Variants in GNB5 observed in about 807,000 individuals in gnomAD.
GNB5 encodes the protein G protein subunit beta 5, also known as guanine nucleotide-binding protein subunit beta-5.
A neutral mutation model predicts 55.3 loss-of-function variants in GNB5; 37 were observed. The observed-to-expected ratio is 0.67, with a 90% CI of 0.51 to 0.88. The LOEUF (loss-of-function observed/expected upper bound fraction) is 0.88, where lower values mean the gene tolerates loss of function less well. Ranked by LOEUF, GNB5 falls within the 40% of genes least tolerant of loss-of-function variation. GNB5 has a pLI of 0.00. For synonymous variants in GNB5, 219 were observed against 198.5 expected (o/e 1.10, Z -0.87); for missense variants, 476 against 515.3 (o/e 0.92, Z 0.74).
Position 52,135,610 on chromosome 15 carries a change from T to G in GNB5, c.771+3A>C. 6.2e-7 allele frequency: 1 copy of G among 1,613,322 alleles called. No individual in the cohort carries two copies. Among genetic ancestry groups the G allele is most frequent in the Non-Finnish European group, 8.5e-7 (1 of 1,179,482 alleles). The stretch of plus-strand genomic sequence containing the variant: ...CCCTAGGGAATTTCCACTGGGTCTT[T>G]ACCCCAGACACGAAGGTGTTTCCAG... On this transcript the variant is annotated splice_donor_region_variant and intron_variant, in intron 8 of 12. Transcript: ENST00000261837.
chr15:52,189,436 C>T (rs1220034044), intron 1 of GNB5, among the ~76,000 whole-genome samples: 1 of 151,894 alleles, frequency 6.6e-6, no homozygotes, highest in African/African-American at 2.4e-5. Flanking sequence ...AAAAATTAGC[C>T]AGGCGTGGTG....
In GNB5 at chr15:52,116,159, A is replaced by G. The variant is rs2033139053; in HGVS notation, c.*6598T>C. ...AATTTCTGTGTGGACATATGTTTTA[A>G]TTTCCCTTGGGGAGGCTGCCAATTA... On this transcript the variant is annotated 3_prime_UTR_variant, in exon 13 of 13. Transcript: ENST00000261837. 1 of 152,184 alleles carries G rather than the reference A, an allele frequency of 6.6e-6. No homozygotes were observed. Among genetic ancestry groups the G allele is most frequent in the South Asian group, 2.1e-4 (1 of 4,828 alleles). 9.4% of individuals were successfully genotyped at this position (152,184 alleles called of 1,614,324 possible).
chr15:52,163,257 C>T (rs2034374345), intron 3 of GNB5, among the ~76,000 whole-genome samples: 1 of 152,222 alleles, frequency 6.6e-6, no homozygotes, highest in African/African-American at 2.4e-5. Context: ...CTCTCAGTGG[C>T]AGCGTGGCCA....
chr15:52,177,991 T>C (rs1456298002), intron 3 of GNB5, among the ~76,000 whole-genome samples: 1 of 152,226 alleles, frequency 6.6e-6, no homozygotes, highest in Non-Finnish European at 1.5e-5. Flanking sequence ...ATTTGCCCCC[T>C]GAGGTTCCCT....
intron 8 of GNB5, among the ~76,000 whole-genome samples, chr15:52,134,594 C>T (rs150197476): frequency 0.011 from 1,684 of 152,292 alleles, 24 homozygotes; most frequent in African/African-American, 0.039. Flanking sequence ...GATACCAAGG[C>T]ACAGGGTTGA....
chr15:52,171,176 T>C (rs2034548423), intron 3 of GNB5, among the ~76,000 whole-genome samples: 1 of 151,946 alleles, frequency 6.6e-6, no homozygotes, highest in Admixed American at 6.6e-5. Flanking sequence ...GAGAATTAAG[T>C]TATGGGACCA....
intron 2 of GNB5, among the ~76,000 whole-genome samples, chr15:52,181,766 T>C (rs963779723): frequency 1.3e-5 from 2 of 152,230 alleles, no homozygotes; most frequent in Non-Finnish European, 2.9e-5. Context: ...TTGTCGCTGT[T>C]CCTTAGTATT....
chr15:52,146,342 T>C (rs1199966399), intron 6 of GNB5, among the ~76,000 whole-genome samples: 1 of 152,198 alleles, frequency 6.6e-6, no homozygotes, highest in Non-Finnish European at 1.5e-5. Context: ...ACACAGGGAC[T>C]GGGAATTATG....
intron 1 of GNB5, among the ~76,000 whole-genome samples, chr15:52,186,387 G>C: frequency 6.6e-6 from 1 of 152,214 alleles, no homozygotes; most frequent in East Asian, 1.9e-4. Flanking sequence ...TTAAGTCTTG[G>C]TTTGTGCTAC....
intron 9 of GNB5, among the ~76,000 whole-genome samples, chr15:52,129,561 C>T (rs1436595682): frequency 1.3e-5 from 2 of 152,148 alleles, no homozygotes; most frequent in African/African-American, 2.4e-5. Flanking sequence ...CTGACGCATC[C>T]ATATTCCAAT....
intron 9 of GNB5, among the ~76,000 whole-genome samples, chr15:52,133,078 T>C (rs1418852145): frequency 6.6e-6 from 1 of 152,234 alleles, no homozygotes; most frequent in African/African-American, 2.4e-5. Context: ...TTCACTGATA[T>C]ATTCCCAGTT....
At chr15:52,175,804 A>T (rs2034639273) in intron 3 of GNB5, among the ~76,000 whole-genome samples, 2 of 151,820 alleles carry the variant, frequency 1.3e-5, no homozygotes, top group South Asian at 4.2e-4. Flanking sequence ...TAATCCCAGC[A>T]CTTTGGGAGG....
intron 7 of GNB5, chr15:52,140,031 G>A: frequency 1.8e-6 from 2 of 1,086,012 alleles, no homozygotes; most frequent in Non-Finnish European, 2.3e-6. Context: ...GCCCCCTGGT[G>A]AACAAGTCTG....
chr15:52,178,978 T>G (rs1596108593), intron 3 of GNB5, among the ~76,000 whole-genome samples: 1 of 152,226 alleles, frequency 6.6e-6, no homozygotes, highest in Non-Finnish European at 1.5e-5. Context: ...CAAGCTCTGC[T>G]GAGGAGGAGC....
At position 52,128,254 on chromosome 15, in the gene GNB5, G is replaced by A. The variant is rs151089434; in HGVS notation, c.864-10C>T. 2 of 1,590,518 alleles carry A rather than the reference G, an allele frequency of 1.3e-6. No homozygotes were observed. Among genetic ancestry groups the A allele is most frequent in the East Asian group, 4.5e-5 (2 of 44,758 alleles). On this transcript the variant is annotated splice_polypyrimidine_tract_variant and intron_variant, in intron 9 of 12. Transcript: ENST00000261837. ...TCCACTGGGGTAGTACCTGCAGAGA[G>A]AAAGTACTTTATCTACGGTTGTGAC...
intron 7 of GNB5, chr15:52,137,292 C>A: frequency 8.8e-7 from 1 of 1,132,134 alleles, no homozygotes; most frequent in Non-Finnish European, 1.1e-6. Flanking sequence ...GTGCTGGGAT[C>A]CAGGTGTGCA....
intron 3 of GNB5, among the ~76,000 whole-genome samples, chr15:52,154,306 A>G (rs181083861): frequency 1.3e-5 from 2 of 152,228 alleles, no homozygotes; most frequent in African/African-American, 4.8e-5. Flanking sequence ...TGTGTTTAAG[A>G]CCCTACATTT....
intron 3 of GNB5, among the ~76,000 whole-genome samples, chr15:52,156,482 A>C (rs1419444898): frequency 6.6e-6 from 1 of 152,256 alleles, no homozygotes; most frequent in Non-Finnish European, 1.5e-5. Flanking sequence ...CTGTAATCCC[A>C]GCACTTTGGG....
intron 7 of GNB5, chr15:52,137,559 T>G (rs943749975): frequency 2.6e-5 from 27 of 1,038,012 alleles, no homozygotes; most frequent in Non-Finnish European, 3.1e-5. Context: ...AAAGAGCCTC[T>G]GGATAGCTTA....
Sources: gnomAD v4.1 joint callset for allele counts (sites outside exome capture counted in the v4.1 genomes callset) on GRCh38, gnomAD v4.1.1 for gene constraint, MANE v1.5 for transcripts, NCBI Gene and HGNC (gene_info 2026-07-23, HGNC 2026-07-21) for gene names.